PTPRK: variants seen among roughly 807,000 people sequenced by gnomAD.
The protein encoded by PTPRK is protein tyrosine phosphatase receptor type K.
In PTPRK, 75 loss-of-function variants were observed where a neutral mutation model predicts 178.0. The ratio of observed to expected loss-of-function variants is 0.42; its 90% CI spans 0.35 to 0.51. PTPRK has a LOEUF of 0.51. Ranked by LOEUF, PTPRK falls within the 20% of genes least tolerant of loss-of-function variation. PTPRK has a pLI of 0.02. For synonymous variants in PTPRK, 637 were observed against 620.6 expected (o/e 1.03, Z -0.39); for missense variants, 1,441 against 1,797.8 (o/e 0.80, Z 3.59).
intron 1 of PTPRK, among the ~76,000 whole-genome samples, chr6:128,515,247 A>G (rs1269198651): frequency 6.6e-6 from 1 of 152,238 alleles, no homozygotes; most frequent in Non-Finnish European, 1.5e-5. Context: ...GTGACATTAA[A>G]AGATTAGTTC....
chr6:128,379,331 T>C (rs560381307), intron 2 of PTPRK, among the ~76,000 whole-genome samples: 5 of 152,274 alleles, frequency 3.3e-5, no homozygotes, highest in East Asian at 1.9e-4. Context: ...CTTTGAGATA[T>C]TGACTAGTAA....
At chr6:128,043,033 A>G (rs185705817) in intron 13 of PTPRK, among the ~76,000 whole-genome samples, 261 of 152,064 alleles carry the variant, frequency 1.7e-3, no homozygotes, top group African/African-American at 6.2e-3. Flanking sequence ...AGTAATTTAG[A>G]CTTTACTGTT....
rs144320208 is a variant in PTPRK at position 128,131,093 on chromosome 6, G to C, written c.1163-41101C>G. 3.9e-3 allele frequency among the ~76,000 whole-genome samples: 600 copies of C among 152,284 alleles called. 4 individuals carry two copies. The highest frequency in any genetic ancestry group is 0.014 in the African/African-American group (563 of 41,566). ...CATTTTAAGGAGAGAGAATTGAAAGGGGTGTGGTACATTGAAGAGAAAAAT... is the reference window on the plus strand; with the variant it reads ...CATTTTAAGGAGAGAGAATTGAAAGCGGTGTGGTACATTGAAGAGAAAAAT... On this transcript the variant is annotated intron_variant, in intron 7 of 29. Transcript: ENST00000368226.
At chr6:128,341,527 C>T (rs1293991909) in intron 2 of PTPRK, among the ~76,000 whole-genome samples, 1 of 152,040 alleles carries the variant, frequency 6.6e-6, no homozygotes, top group Non-Finnish European at 1.5e-5. Context: ...AAAGAAAATC[C>T]ATAATTTTAA....
chr6:128,048,576 C>CGA (rs1405016744), intron 13 of PTPRK, among the ~76,000 whole-genome samples: 5 of 152,166 alleles, frequency 3.3e-5, no homozygotes, highest in Non-Finnish European at 7.4e-5. Context: ...CCAGTATTTC[C>CGA]TATCCCCAGA....
intron 4 of PTPRK, 28 bp downstream of exon 4, chr6:128,242,493 A>G (rs758445292): frequency 6.2e-7 from 1 of 1,605,372 alleles, no homozygotes; most frequent in South Asian, 1.1e-5. Context: ...AAGGACATAG[A>G]AAAATACAAT....
chr6:128,123,546 T>G (rs1166865592), intron 7 of PTPRK, among the ~76,000 whole-genome samples: 1 of 152,192 alleles, frequency 6.6e-6, no homozygotes, highest in Non-Finnish European at 1.5e-5. Flanking sequence ...CATTTCCTCT[T>G]ACTAGCATTT....
intron 6 of PTPRK, among the ~76,000 whole-genome samples, chr6:128,206,794 A>G (rs1807061056): frequency 6.6e-6 from 1 of 152,050 alleles, no homozygotes; most frequent in Non-Finnish European, 1.5e-5. Flanking sequence ...CCAATTATCT[A>G]TTTCATTTTC....
At chr6:128,088,386 AG>A (rs1280081166) in intron 8 of PTPRK, among the ~76,000 whole-genome samples, 1 of 151,034 alleles carries the variant, frequency 6.6e-6, no homozygotes, top group African/African-American at 2.4e-5. Flanking sequence ...AAAAAAAAAA[AG>A]AAAAGAAAAG....
chr6:128,112,920 T>G (rs887806178), intron 7 of PTPRK, among the ~76,000 whole-genome samples: 2 of 152,124 alleles, frequency 1.3e-5, no homozygotes, highest in Non-Finnish European at 2.9e-5. Flanking sequence ...CCTATCTCTT[T>G]TTCCAAAGGA....
chr6:128,162,729 G>A (rs1019287348), intron 7 of PTPRK, among the ~76,000 whole-genome samples: 18 of 151,752 alleles, frequency 1.2e-4, no homozygotes, highest in Admixed American at 7.9e-4. Flanking sequence ...TACAAATATT[G>A]ATAAGATCTG....
intron 2 of PTPRK, among the ~76,000 whole-genome samples, chr6:128,323,059 T>G (rs982153997): frequency 6.6e-6 from 1 of 152,108 alleles, no homozygotes; most frequent in Non-Finnish European, 1.5e-5. Context: ...CTTGTAGAGC[T>G]ACAAGAAACC....
At chr6:128,295,398 G>A (rs1824149872) in intron 3 of PTPRK, among the ~76,000 whole-genome samples, 1 of 152,028 alleles carries the variant, frequency 6.6e-6, no homozygotes, top group Non-Finnish European at 1.5e-5. Flanking sequence ...TGAGTACAAA[G>A]CAAGATTTTT....
rs184969747 is a variant in PTPRK at position 128,466,314 on chromosome 6, G to A, written c.100+53945C>T. The stretch of plus-strand genomic sequence containing the variant: ...TACAATATTTTACCTGTTAATTCAT[G>A]TGTCAGACAATCCATACTAAGTGCA... On this transcript the variant is annotated intron_variant, in intron 1 of 29. Transcript: ENST00000368226. Among the ~76,000 whole-genome samples, 16 of 152,308 alleles carry A rather than the reference G, an allele frequency of 1.1e-4. No individual in the cohort carries two copies. In the East Asian group the frequency reaches 3.1e-3, roughly 29 times the overall value.
chr6:128,518,318 A>G (rs537667899), intron 1 of PTPRK, among the ~76,000 whole-genome samples: 1 of 152,238 alleles, frequency 6.6e-6, no homozygotes. Flanking sequence ...ACAATTGTTT[A>G]TTGTACGTAT....
At chr6:128,175,680 C>T (rs1800955913) in intron 7 of PTPRK, among the ~76,000 whole-genome samples, 1 of 151,646 alleles carries the variant, frequency 6.6e-6, no homozygotes, top group Non-Finnish European at 1.5e-5. Context: ...ACAAAAATGA[C>T]AATAGTTTTG....
At chr6:128,083,070 A>T (rs1398799405) in intron 9 of PTPRK, among the ~76,000 whole-genome samples, 1 of 152,152 alleles carries the variant, frequency 6.6e-6, no homozygotes, top group Admixed American at 6.6e-5. Context: ...CACAGTTTCA[A>T]AATATAACAT....
intron 1 of PTPRK, among the ~76,000 whole-genome samples, chr6:128,400,766 CA>C (rs1242773396): frequency 6.6e-6 from 1 of 152,120 alleles, no homozygotes; most frequent in Non-Finnish European, 1.5e-5. Context: ...GAGTTCAAGA[CA>C]TCTTTATGTA....
intron 3 of PTPRK, among the ~76,000 whole-genome samples, chr6:128,266,361 T>C (rs1818947326): frequency 6.6e-6 from 1 of 152,116 alleles, no homozygotes; most frequent in African/African-American, 2.4e-5. Context: ...CACTTTCCAG[T>C]GGTCTGGCAG....
Sources: gnomAD v4.1 joint callset for allele counts (sites outside exome capture counted in the v4.1 genomes callset) on GRCh38, gnomAD v4.1.1 for gene constraint, MANE v1.5 for transcripts, NCBI Gene and HGNC (gene_info 2026-07-23, HGNC 2026-07-21) for gene names.